Variants in MRTFB observed in about 807,000 individuals in gnomAD.
The protein encoded by MRTFB is myocardin-related transcription factor B.
In MRTFB, 29 loss-of-function variants were observed where a neutral mutation model predicts 104.2. That is an observed-to-expected ratio of 0.28 (90% CI 0.21 to 0.38). MRTFB has a LOEUF of 0.38. MRTFB is among the 10% of genes least tolerant of loss of function. The probability of loss-of-function intolerance (pLI) is 1.00; values close to 1 mark genes in which losing one functional copy is unlikely to be tolerated. For missense variants in MRTFB, 1,270 were observed against 1,341.6 expected, an observed-to-expected ratio of 0.95 and a Z score of 0.83; for synonymous variants, 535 against 519.5, an observed-to-expected ratio of 1.03 and a Z score of -0.41.
At chr16:14,014,819 A>C in the MRTFB span, among the ~76,000 whole-genome samples, 1 of 152,200 alleles carries the variant, frequency 6.6e-6, no homozygotes, top group Admixed American at 6.5e-5. Context: ...TAGTGAGCTG[A>C]GATCGTGCCA....
Position 14,246,838 on chromosome 16 carries a change from C to T in MRTFB, c.1578C>T (p.Phe526=). ...STDDTNMADT[F]TEIMTMMSPS... is the part of the protein sequence containing the mutation. ...ATGACACAAACATGGCAGACACTTT[C>T]ACCGAGATTATGACCATGATGTCGC... The change falls in exon 12 of 17, where the codon TTC becomes TTT. Residue 526 remains phenylalanine (F), a synonymous_variant. Transcript: ENST00000571589. 1 of 1,612,658 alleles carries T rather than the reference C, an allele frequency of 6.2e-7. No individual in the cohort carries two copies. The highest frequency in any genetic ancestry group is 8.5e-7 in the Non-Finnish European group (1 of 1,180,030).
chr16:14,205,682 T>C (rs1041242772), intron 3 of MRTFB, among the ~76,000 whole-genome samples: 2 of 152,240 alleles, frequency 1.3e-5, no homozygotes, highest in African/African-American at 4.8e-5. Flanking sequence ...ATTACTTATG[T>C]CCTTTGTTTC....
At chr16:14,008,348 T>A in the MRTFB span, among the ~76,000 whole-genome samples, 1 of 151,822 alleles carries the variant, frequency 6.6e-6, no homozygotes, top group Non-Finnish European at 1.5e-5. Context: ...TGCTTGCATT[T>A]AGGTCTTTGA....
At chr16:14,021,368 C>G in the MRTFB span, among the ~76,000 whole-genome samples, 1 of 152,182 alleles carries the variant, frequency 6.6e-6, no homozygotes, top group East Asian at 1.9e-4. Context: ...GTGGCTCGCT[C>G]CTACAGCAGC....
At chr16:14,203,309 C>A (rs1297146439) in intron 3 of MRTFB, among the ~76,000 whole-genome samples, 1 of 152,054 alleles carries the variant, frequency 6.6e-6, no homozygotes, top group African/African-American at 2.4e-5. Context: ...TCCAGCTGTT[C>A]GTAAAGAATT....
chr16:14,192,812 A>G (rs1368386918), intron 3 of MRTFB, among the ~76,000 whole-genome samples: 1 of 152,098 alleles, frequency 6.6e-6, no homozygotes, highest in Non-Finnish European at 1.5e-5. Context: ...CTTGCCACCA[A>G]ACATTCTTCC....
chr16:14,012,800 C>T, the MRTFB span, among the ~76,000 whole-genome samples: 2 of 152,122 alleles, frequency 1.3e-5, no homozygotes, highest in African/African-American at 4.8e-5. Flanking sequence ...ACCCCTCTGC[C>T]TCAGGGTGCC....
the MRTFB span, among the ~76,000 whole-genome samples, chr16:14,021,865 G>A: frequency 3.1e-4 from 47 of 152,228 alleles, no homozygotes; most frequent in African/African-American, 1.0e-3. Flanking sequence ...GTTGCGAATC[G>A]TGCTGCTATA....
intron 2 of MRTFB, among the ~76,000 whole-genome samples, chr16:14,111,477 A>G (rs774483796): frequency 6.6e-6 from 1 of 152,230 alleles, no homozygotes; most frequent in Non-Finnish European, 1.5e-5. Context: ...CTAGAGGTGA[A>G]TAAAGAACTT....
At chr16:14,237,553 A>G (rs77667439) in intron 9 of MRTFB, among the ~76,000 whole-genome samples, 169 of 152,372 alleles carry the variant, frequency 1.1e-3, no homozygotes, top group Non-Finnish European at 2.1e-3. Flanking sequence ...GCTTTTCTTG[A>G]GAGCCCACAG....
At chr16:14,161,747 G>A (rs1370522786) in intron 3 of MRTFB, among the ~76,000 whole-genome samples, 5 of 151,970 alleles carry the variant, frequency 3.3e-5, no homozygotes, top group Non-Finnish European at 7.4e-5. Context: ...TATAATCAGT[G>A]GACAAGAGCT....
intron 3 of MRTFB, among the ~76,000 whole-genome samples, chr16:14,196,241 A>G (rs1216499553): frequency 6.6e-6 from 1 of 152,244 alleles, no homozygotes; most frequent in African/African-American, 2.4e-5. Context: ...TAAATTTCCA[A>G]AGCTGAGTGT....
chr16:14,206,235 T>G (rs2040933931), intron 3 of MRTFB, among the ~76,000 whole-genome samples: 1 of 152,216 alleles, frequency 6.6e-6, no homozygotes, highest in Non-Finnish European at 1.5e-5. Context: ...GTTTTCAGGG[T>G]CCCTTACCCC....
intron 15 of MRTFB, among the ~76,000 whole-genome samples, chr16:14,254,406 C>T (rs1207371204): frequency 6.6e-6 from 1 of 152,204 alleles, no homozygotes; most frequent in Non-Finnish European, 1.5e-5. Flanking sequence ...TGATTTCCCT[C>T]TTTGTGCTGC....
At chr16:14,094,061 T>A (rs1391007400) in intron 2 of MRTFB, among the ~76,000 whole-genome samples, 1 of 152,218 alleles carries the variant, frequency 6.6e-6, no homozygotes, top group East Asian at 1.9e-4. Context: ...AGTGTAGATG[T>A]CAGGGAGAGA....
At chr16:14,210,684 T>G (rs528532008) in intron 4 of MRTFB, among the ~76,000 whole-genome samples, 8 of 152,346 alleles carry the variant, frequency 5.3e-5, no homozygotes, top group African/African-American at 1.9e-4. Context: ...TTACAATTTT[T>G]ACTTAGACTT....
chr16:14,243,435 A>C (rs1206615078), intron 10 of MRTFB, among the ~76,000 whole-genome samples: 4 of 152,234 alleles, frequency 2.6e-5, no homozygotes, highest in Non-Finnish European at 5.9e-5. Context: ...TGGAATTCCA[A>C]GTCTCTTGGC....
rs759999122 is a variant in MRTFB at position 14,140,739 on chromosome 16, C to G, written c.133C>G (p.Pro45Ala). 2.5e-6 allele frequency: 4 copies of G among 1,613,998 alleles called. No individual in the cohort carries two copies. In the African/African-American group the frequency reaches 4.0e-5, roughly 16 times the overall value. The change falls in exon 3 of 17, where the codon CCT (proline) becomes GCT (alanine). Residue 45 changes from proline (P) to alanine (A), a missense_variant. By Grantham distance (27) the Pro-to-Ala change is conservative. Around this residue, in one of 3 missense-constraint regions of MRTFB, gnomAD observed 62 missense variants for 57.2 expected, o/e 1.08. Coordinates refer to ENST00000571589, the MANE Select transcript of MRTFB (RefSeq NM_001308142.2). ...CTTGCAGTCCAGTCAAAACTTACCC[C>G]CTCTGAACGAAAGGAAAAATGGTGA... is the stretch of plus-strand genomic sequence containing the variant. ...LSLQSSQNLP[P>A]LNERKNVLQL...
intron 6 of MRTFB, among the ~76,000 whole-genome samples, chr16:14,215,215 A>G (rs908648353): frequency 6.6e-6 from 1 of 152,236 alleles, no homozygotes; most frequent in African/African-American, 2.4e-5. Flanking sequence ...CCACCATTTA[A>G]AAATTTAACT....
Sources: gnomAD v4.1 joint callset for allele counts (sites outside exome capture counted in the v4.1 genomes callset) on GRCh38, gnomAD v4.1.1 for gene constraint, gnomAD v4.1.1 regional missense constraint, MANE v1.5 for transcripts, NCBI Gene and HGNC (gene_info 2026-07-23, HGNC 2026-07-21) for gene names.